BSN: variants seen among roughly 807,000 people sequenced by gnomAD.
BSN encodes bassoon presynaptic cytomatrix protein, also known as protein bassoon.
BSN carries 57 observed loss-of-function variants against 264.8 expected under a neutral mutation model. That is an observed-to-expected ratio of 0.22 (90% CI 0.17 to 0.27). The LOEUF is 0.27. Ranked by LOEUF, BSN falls within the 10% of genes least tolerant of loss-of-function variation. The pLI, the probability that BSN is intolerant of heterozygous loss-of-function variation, is 1.00. For synonymous variants in BSN, 2,059 were observed against 2,137.3 expected, an observed-to-expected ratio of 0.96 and a Z score of 1.01; for missense variants, 4,615 against 5,232.5, an observed-to-expected ratio of 0.88 and a Z score of 3.64.
chr3:49,582,001 A>G (rs1029954048), intron 1 of BSN, among the ~76,000 whole-genome samples: 1 of 152,184 alleles, frequency 6.6e-6, no homozygotes, highest in South Asian at 2.1e-4. Context: ...TCCTCTGGAT[A>G]TAAACCTAAG....
intron 2 of BSN, among the ~76,000 whole-genome samples, chr3:49,636,661 G>C (rs1262323773): frequency 2.6e-5 from 4 of 152,234 alleles, no homozygotes; most frequent in Non-Finnish European, 2.9e-5. Context: ...ATGTTGGGCA[G>C]GTTCCCAAGA....
Position 49,642,393 on chromosome 3 carries a change from G to T in BSN, c.759G>T (p.Pro253=), listed in dbSNP as rs115552063. ...CAGCCCTGTCTCCTGCCCACTCCCC[G>T]GCCAAACAGCCCCTGGGGAAGCCAG... ...HSPALSPAHS[P]AKQPLGKPDQ... The change falls in exon 3 of 12, where the codon CCG becomes CCT. Residue 253 remains proline (P), a synonymous_variant. Transcript: ENST00000296452. The surrounding 1 kb of genome is among the most constrained non-coding windows in gnomAD (Gnocchi z 7.0). 4.4e-6 allele frequency: 7 copies of T among 1,600,380 alleles called. No individual in the cohort carries two copies. The highest frequency in any genetic ancestry group is 5.1e-6 in the Non-Finnish European group (6 of 1,173,542).
chr3:49,560,494 C>T (rs181264194), intron 1 of BSN, among the ~76,000 whole-genome samples: 14 of 152,324 alleles, frequency 9.2e-5, no homozygotes, highest in African/African-American at 3.4e-4. Context: ...TGGGGACTGA[C>T]TTTTTAAATG....
chr3:49,663,144 G>A lies in BSN; in HGVS notation c.10986G>A (p.Pro3662=), dbSNP rs531241273. 61 of 1,612,390 alleles carry A rather than the reference G, an allele frequency of 3.8e-5. No homozygotes were observed. In the South Asian group the frequency reaches 4.9e-4, roughly 13 times the overall value. ...RHSGRHTGEE[P]GRRAAKPHAR... ...CAGGCCGCCACACTGGTGAGGAGCC[G>A]GGACGGCGTGCTGCCAAACCACACG... Residue 3662 remains proline (P), a synonymous_variant, in exon 7 of 12, where the codon CCG becomes CCA. Coordinates refer to ENST00000296452, the MANE Select transcript of BSN (RefSeq NM_003458.4).
rs1428122075 is a variant in BSN at position 49,655,954 on chromosome 3, C to T, written c.6398C>T (p.Pro2133Leu). The change falls in exon 5 of 12, where the codon CCC becomes CTC. Residue 2133 changes from proline (P) to leucine (L), a missense_variant. Physicochemically the swap from Pro to Leu is moderately conservative, Grantham distance 98 (BLOSUM62 -3). Transcript: ENST00000296452. Reference protein sequence around the residue: ...DLVQYQPQHGPGLSAPQSLVP... With the variant: ...DLVQYQPQHGLGLSAPQSLVP... ...GTGCAGTACCAGCCCCAGCACGGGC[C>T]CGGGCTCAGTGCTCCACAGAGTCTG... 1.2e-6 allele frequency: 2 copies of T among 1,610,580 alleles called. No homozygotes were observed. Among genetic ancestry groups the T allele is most frequent in the Admixed American group, 1.7e-5 (1 of 60,016 alleles).
rs1023304604 is a variant in BSN at position 49,642,330 on chromosome 3, T to C, written c.696T>C (p.Thr232=). The C allele has an allele frequency of 9.4e-6, 15 of 1,599,288 alleles. No individual in the cohort carries two copies. The highest frequency in any genetic ancestry group is 1.3e-5 in the Non-Finnish European group (15 of 1,172,990). The change falls in exon 3 of 12, where the codon ACT becomes ACC. Residue 232 remains threonine (T), a synonymous_variant. Transcript: ENST00000296452. The surrounding 1 kb of genome is among the most constrained non-coding windows in gnomAD (Gnocchi z 7.0). ...GGGCTCTGGGAATGGACATGACCAC[T>C]GCACCTCGCTCCAAGAGCCAGCAGC... ...MQRALGMDMT[T]APRSKSQQQL...
chr3:49,623,173 C>T (rs1369772099), intron 1 of BSN, among the ~76,000 whole-genome samples: 2 of 152,034 alleles, frequency 1.3e-5, no homozygotes, highest in Non-Finnish European at 2.9e-5. Context: ...ATCTTTTTGG[C>T]AAGCAGATGG....
chr3:49,621,600 A>C (rs903005464), intron 1 of BSN, among the ~76,000 whole-genome samples: 8 of 152,164 alleles, frequency 5.3e-5, no homozygotes, highest in African/African-American at 1.9e-4. Context: ...GATGATGTGG[A>C]GGTCCCTACT....
intron 1 of BSN, among the ~76,000 whole-genome samples, chr3:49,616,284 C>T (rs752198099): frequency 7.2e-5 from 11 of 152,232 alleles, no homozygotes; most frequent in Non-Finnish European, 1.5e-4. Context: ...CCCCAGCACC[C>T]ACTGCTCTAC....
intron 1 of BSN, among the ~76,000 whole-genome samples, chr3:49,588,724 T>C (rs1384422594): frequency 1.3e-5 from 2 of 152,216 alleles, no homozygotes; most frequent in Non-Finnish European, 2.9e-5. Context: ...TTTACACTTA[T>C]TTGTGAATTC....
chr3:49,614,807 T>C (rs2052246991), intron 1 of BSN, among the ~76,000 whole-genome samples: 1 of 152,352 alleles, frequency 6.6e-6, no homozygotes, highest in Non-Finnish European at 1.5e-5. Context: ...TTCTGGAGAC[T>C]AGCTGGTCCC....
chr3:49,644,014 G>A (rs1199415486), intron 3 of BSN, among the ~76,000 whole-genome samples: 1 of 152,168 alleles, frequency 6.6e-6, no homozygotes, highest in African/African-American at 2.4e-5. Flanking sequence ...TGGGCCAGGA[G>A]CAGATGCTGC....
At position 49,652,749 on chromosome 3, in the gene BSN, C is replaced by G; in HGVS notation, c.3193C>G (p.Gln1065Glu). ...EQEKMREVEQ[Q>E]RIRSTARKTR... is the part of the protein sequence containing the mutation. ...AGAGAAGATGCGGGAGGTGGAGCAG[C>G]AGCGCATCCGCAGCACGGCCCGCAA... is the stretch of plus-strand genomic sequence containing the variant. The change falls in exon 5 of 12, where the codon CAG becomes GAG. Residue 1065 changes from glutamine (Q) to glutamate (E), a missense_variant. By Grantham distance (29) the Gln-to-Glu change is conservative. This residue lies in a region of BSN where 3,415 missense variants were observed against 3,866.4 expected (regional missense o/e 0.88). Coordinates refer to ENST00000296452, the MANE Select transcript of BSN (RefSeq NM_003458.4). The G allele has an allele frequency of 6.4e-7, 1 of 1,556,932 alleles. No homozygotes were observed. Among genetic ancestry groups the G allele is most frequent in the Non-Finnish European group, 8.7e-7 (1 of 1,152,068 alleles).
At chr3:49,665,565 C>T (rs1206689291) in intron 11 of BSN, among the ~76,000 whole-genome samples, 1 of 152,252 alleles carries the variant, frequency 6.6e-6, no homozygotes. Flanking sequence ...CACCTCACAA[C>T]TTGAAGTCTA....
In BSN at chr3:49,642,305, G is replaced by T; in HGVS notation, c.671G>T (p.Arg224Met). The T allele has an allele frequency of 6.4e-7, 1 of 1,570,236 alleles. No individual in the cohort carries two copies. Among genetic ancestry groups the T allele is most frequent in the Admixed American group, 2.0e-5 (1 of 51,268 alleles). Reference protein sequence around the residue: ...EWLCLNCQMQRALGMDMTTAP... With the variant: ...EWLCLNCQMQMALGMDMTTAP... ...CTCTGTCTGAACTGTCAGATGCAGA[G>T]GGCTCTGGGAATGGACATGACCACT... is the stretch of plus-strand genomic sequence containing the variant. The change falls in exon 3 of 12, where the codon AGG becomes ATG. Residue 224 changes from arginine to methionine, a missense_variant. By Grantham distance (91) the Arg-to-Met change is moderately conservative. This residue lies in a region of BSN where 1,197 missense variants were observed against 1,348.0 expected (regional missense o/e 0.89). Transcript: ENST00000296452. The surrounding 1 kb of genome is among the most constrained non-coding windows in gnomAD (Gnocchi z 7.0).
chr3:49,591,499 A>G (rs1018413612), intron 1 of BSN, among the ~76,000 whole-genome samples: 4 of 152,228 alleles, frequency 2.6e-5, no homozygotes, highest in African/African-American at 9.7e-5. Context: ...TTGTAAGGCA[A>G]TCTGCCACCA....
intron 3 of BSN, among the ~76,000 whole-genome samples, chr3:49,645,071 C>T (rs756375733): frequency 3.2e-4 from 48 of 152,152 alleles, no homozygotes; most frequent in Non-Finnish European, 5.0e-4. Flanking sequence ...CAATTTCCTG[C>T]TGTCTCCATG....
intron 1 of BSN, among the ~76,000 whole-genome samples, chr3:49,599,559 T>C (rs2052055002): frequency 6.6e-6 from 1 of 151,982 alleles, no homozygotes. Context: ...AGGGAATGAG[T>C]TGTTGTCCAA....
chr3:49,583,620 A>C (rs1215131600), intron 1 of BSN, among the ~76,000 whole-genome samples: 1 of 151,600 alleles, frequency 6.6e-6, no homozygotes. Context: ...TTATAAAATA[A>C]AATTTTTAAA....
Sources: allele counts gnomAD v4.1 joint callset (sites outside exome capture counted in the v4.1 genomes callset), GRCh38; gene constraint gnomAD v4.1.1; regional missense constraint gnomAD v4.1.1; non-coding constraint Gnocchi (gnomAD v3.1); transcripts MANE v1.5; gene names NCBI Gene and HGNC (gene_info 2026-07-23, HGNC 2026-07-21).